The following WIZ variants were observed in gnomAD, a reference collection of about 807,000 sequenced individuals.
WIZ encodes WIZ zinc finger.
A neutral mutation model predicts 140.2 loss-of-function variants in WIZ; 25 were observed. That is an observed-to-expected ratio of 0.18 (90% CI 0.13 to 0.25). The LOEUF is 0.25. Among genes scored for constraint, WIZ ranks in the 10% least tolerant of loss-of-function variants. WIZ has a pLI of 1.00. For synonymous variants in WIZ, 1,125 were observed against 1,154.3 expected, an observed-to-expected ratio of 0.97 and a Z score of 0.51; for missense variants, 2,231 against 2,632.6, an observed-to-expected ratio of 0.85 and a Z score of 3.34.
rs1269967957 is a variant in WIZ at position 15,425,356 on chromosome 19, G to A, written c.4779C>T (p.Ala1593=). 3 of 1,558,072 alleles carry A rather than the reference G, an allele frequency of 1.9e-6. No homozygotes were observed. Among genetic ancestry groups the A allele is most frequent in the South Asian group, 1.2e-5 (1 of 85,202 alleles). The change falls in exon 10 of 13, where the codon GCC becomes GCT. Residue 1593 remains alanine, a synonymous_variant. Coordinates refer to ENST00000673675, the MANE Select transcript of WIZ (RefSeq NM_001371589.1). ...SATGYLGSVA[A]KRPLQEDRLL... ...GGCGGTCCTCCTGCAGGGGCCGCTTGGCTGCCACTGAGCCCAGGTAGCCAG... is the reference window on the plus strand; with the variant it reads ...GGCGGTCCTCCTGCAGGGGCCGCTTAGCTGCCACTGAGCCCAGGTAGCCAG...
At position 15,422,217 on chromosome 19, in the gene WIZ, A is replaced by G. The variant is rs1443488969; in HGVS notation, c.*859T>C. The G allele has an allele frequency of 6.6e-6, 1 of 152,286 alleles. No individual in the cohort carries two copies. The highest frequency in any genetic ancestry group is 6.5e-5 in the Admixed American group (1 of 15,288). 9.4% of individuals were successfully genotyped at this position (152,286 alleles called of 1,614,324 possible). ...TGGCTTCTAGCTGGCCCAGGATTGC[A>G]AAATAAAAAGATCCACGTTCCTTAT... On this transcript the variant is annotated 3_prime_UTR_variant, in exon 13 of 13. Transcript: ENST00000673675.
In WIZ at chr19:15,425,743, G is replaced by A. The variant is rs1968719006; in HGVS notation, c.4392C>T (p.Asp1464=). ...ACTCGCCGCAGAACTCACAGCGGAT[G>A]TCGCGCACCGGCTCTGCCCGGGACG... is the stretch of plus-strand genomic sequence containing the variant. The part of the protein sequence containing the change: ...NLSSRAEPVR[D]IRCEFCGEFF... The change falls in exon 10 of 13, where the codon GAC becomes GAT. Residue 1464 remains aspartate (D), a synonymous_variant. Transcript: ENST00000673675. 6.2e-7 allele frequency: 1 copy of A among 1,603,102 alleles called. No individual in the cohort carries two copies. The highest frequency in any genetic ancestry group is 1.3e-5 in the African/African-American group (1 of 74,472).
At chr19:15,430,337 C>T (rs1424692257) in intron 6 of WIZ, among the ~76,000 whole-genome samples, 7 of 152,220 alleles carry the variant, frequency 4.6e-5, no homozygotes, top group Non-Finnish European at 4.4e-5. Context: ...GGAGATAGAG[C>T]CCTTCTGTCA....
In WIZ at chr19:15,439,228, G is replaced by T. The variant is rs780876675; in HGVS notation, c.1766C>A (p.Pro589His). The change falls in exon 4 of 13, where the codon CCC becomes CAC. Residue 589 changes from proline to histidine, a missense_variant. By Grantham distance (77) the Pro-to-His change is moderately conservative. Transcript: ENST00000673675. The surrounding 1 kb of genome is among the most constrained non-coding windows in gnomAD (Gnocchi z 7.0). ...LAFPSTLAST[P>H]YSLQLGRNKS... Reference sequence around the variant, plus strand: ...GTTTCTCCCGAGCTGTAAGGAGTAGGGGGTGGATGCTAGTGTGGAGGGAAA... The same window carrying T: ...GTTTCTCCCGAGCTGTAAGGAGTAGTGGGTGGATGCTAGTGTGGAGGGAAA... 23 of 1,535,648 alleles carry T rather than the reference G, an allele frequency of 1.5e-5. No individual in the cohort carries two copies. Among genetic ancestry groups the T allele is most frequent in the Middle Eastern group, 3.3e-4 (2 of 6,004 alleles).
At position 15,428,055 on chromosome 19, in the gene WIZ, C is replaced by A; in HGVS notation, c.3814+55G>T. 6.6e-7 allele frequency: 1 copy of A among 1,511,316 alleles called. No homozygotes were observed. The highest frequency in any genetic ancestry group is 8.8e-7 in the Non-Finnish European group (1 of 1,137,174). 93.6% of individuals were successfully genotyped at this position (1,511,316 alleles called of 1,614,324 possible). ...AGGGAGGGGGCTGTGACCCCCCCCC[C>A]GGGAGGGGCTCCAGGGCCCGCAGTG... is the stretch of plus-strand genomic sequence containing the variant. On this transcript the variant is annotated intron_variant, in intron 8 of 12. Transcript: ENST00000673675. This position sits in a 1 kb window ranked among gnomAD's most constrained non-coding sequence, Gnocchi z 6.4.
In WIZ at chr19:15,428,240, T is replaced by G. The variant is rs2145256206; in HGVS notation, c.3684A>C (p.Pro1228=). Residue 1228 remains proline (P), a synonymous_variant, in exon 8 of 13, where the codon CCA becomes CCC. Coordinates refer to ENST00000673675, the MANE Select transcript of WIZ (RefSeq NM_001371589.1). The surrounding 1 kb of genome is among the most constrained non-coding windows in gnomAD (Gnocchi z 6.4). The part of the protein sequence containing the change: ...TSAALSLLPP[P]PPAKKAKLKA... ...TCAGCTTGGCCTTCTTGGCCGGCGGTGGGGGGGGAAGCAAGGAGAGGGCCG... is the reference window on the plus strand; with the variant it reads ...TCAGCTTGGCCTTCTTGGCCGGCGGGGGGGGGGGAAGCAAGGAGAGGGCCG... 1 of 1,525,936 alleles carries G rather than the reference T, an allele frequency of 6.6e-7. No individual in the cohort carries two copies. The highest frequency in any genetic ancestry group is 8.8e-7 in the Non-Finnish European group (1 of 1,142,836). The allele number at this position is 1,525,936 out of a possible 1,614,324, so 94.5% of individuals were successfully genotyped here. A position where few individuals can be genotyped will look rare whatever the true frequency, so the allele number is the denominator to read the frequency against.
intron 9 of WIZ, among the ~76,000 whole-genome samples, chr19:15,426,651 T>C (rs1968841918): frequency 6.6e-6 from 1 of 152,230 alleles, no homozygotes; most frequent in Admixed American, 6.5e-5. Flanking sequence ...ACGCTCCTGC[T>C]GTAGCAGACA....
At chr19:15,432,498 C>CGGT in intron 5 of WIZ, 1 of 894,208 alleles carries the variant, frequency 1.1e-6, no homozygotes, top group African/African-American at 2.0e-5. Context: ...CGTCCCGCGG[C>CGGT]GGCGGTGGCG....
At position 15,437,381 on chromosome 19, in the gene WIZ, G is replaced by A. The variant is rs116504939; in HGVS notation, c.2417-252C>T. Among the ~76,000 whole-genome samples, 1,387 of 152,334 alleles carry A rather than the reference G, an allele frequency of 9.1e-3. 24 individuals carry two copies. Among genetic ancestry groups the A allele is most frequent in the African/African-American group, 0.031 (1,309 of 41,574 alleles). On this transcript the variant is annotated intron_variant, in intron 4 of 12. Coordinates refer to ENST00000673675, the MANE Select transcript of WIZ (RefSeq NM_001371589.1). Reference sequence around the variant, plus strand: ...CCTCTTCTGCAAAAACCCTTCTCCAGGGCCAGGTGTGGTGGCTCACGCCTG... The same window carrying A: ...CCTCTTCTGCAAAAACCCTTCTCCAAGGCCAGGTGTGGTGGCTCACGCCTG...
At position 15,440,058 on chromosome 19, in the gene WIZ, C is replaced by T. The variant is rs117240920; in HGVS notation, c.936G>A (p.Pro312=). Residue 312 remains proline (P), a synonymous_variant, in exon 4 of 13, where the codon CCG becomes CCA. Transcript: ENST00000673675. This position sits in a 1 kb window ranked among gnomAD's most constrained non-coding sequence, Gnocchi z 6.2. Reference sequence around the variant, plus strand: ...TGCACTCGATGCATGGGAACACGGCCGGCTCCTCGTCCTCGTCCTCATCTG... The same window carrying T: ...TGCACTCGATGCATGGGAACACGGCTGGCTCCTCGTCCTCGTCCTCATCTG... The part of the protein sequence containing the change: ...ASPDEDEDEE[P]AVFPCIECSI... 19,846 of 1,535,878 alleles carry T rather than the reference C, an allele frequency of 0.013. 165 individuals carry two copies. The highest frequency in any genetic ancestry group is 0.019 in the Middle Eastern group (114 of 5,988).
At chr19:15,426,565 C>T (rs1471943739) in intron 9 of WIZ, among the ~76,000 whole-genome samples, 1 of 152,220 alleles carries the variant, frequency 6.6e-6, no homozygotes, top group Admixed American at 6.5e-5. Flanking sequence ...TTAACTCACA[C>T]TTGACTCCCA....
At position 15,442,873 on chromosome 19, in the gene WIZ, G is replaced by A; in HGVS notation, c.206-125C>T. 1 of 492,046 alleles carries A rather than the reference G, an allele frequency of 2.0e-6. No homozygotes were observed. Among genetic ancestry groups the A allele is most frequent in the Non-Finnish European group, 3.2e-6 (1 of 312,182 alleles). 30.5% of individuals were successfully genotyped at this position (492,046 alleles called of 1,614,324 possible). A position where few individuals can be genotyped will look rare whatever the true frequency, so the allele number is the denominator to read the frequency against. The stretch of plus-strand genomic sequence containing the variant: ...CTGCTGGCTCCCAGTTCCTCTCCCT[G>A]AGAGGCCCGTGGCCTCTGTGGTCCT... On this transcript the variant is annotated intron_variant, in intron 2 of 12. Coordinates refer to ENST00000673675, the MANE Select transcript of WIZ (RefSeq NM_001371589.1). The surrounding 1 kb of genome is among the most constrained non-coding windows in gnomAD (Gnocchi z 5.5).
chr19:15,431,041 C>T lies in WIZ; in HGVS notation c.2882G>A (p.Gly961Asp), dbSNP rs1191298424. 6.5e-7 allele frequency: 1 copy of T among 1,535,606 alleles called. No individual in the cohort carries two copies. Among genetic ancestry groups the T allele is most frequent in the Non-Finnish European group, 8.7e-7 (1 of 1,146,668 alleles). Residue 961 changes from glycine (G) to aspartate (D), a missense_variant, in exon 6 of 13, where the codon GGC becomes GAC. By Grantham distance (94) the Gly-to-Asp change is moderately conservative. This residue lies in a region of WIZ where 137 missense variants were observed against 135.8 expected (regional missense o/e 1.01). Coordinates refer to ENST00000673675, the MANE Select transcript of WIZ (RefSeq NM_001371589.1). ...GAGGTCCTGCAGCTCCTGTTTGCTG[C>T]CATGAGGAACCTCTGCAGCCACTTT... The part of the protein sequence containing the change: ...SSKVAAEVPH[G>D]SKQELQDLKA...
At chr19:15,436,445 G>A (rs548212505) in intron 5 of WIZ, 5 of 188,198 alleles carry the variant, frequency 2.7e-5, no homozygotes, top group Middle Eastern at 2.0e-3. Flanking sequence ...TCTGTAAAGT[G>A]GAAGAAATAA....
At chr19:15,430,990 C>A in intron 6 of WIZ, 22 bp downstream of exon 6, 1 of 1,502,434 alleles carries the variant, frequency 6.7e-7, no homozygotes, top group South Asian at 1.2e-5. Flanking sequence ...GCATCCCCTG[C>A]CATGCCACCT....
rs1265792037 is a variant in WIZ at position 15,425,772 on chromosome 19, C to T, written c.4367-4G>A. The T allele has an allele frequency of 1.3e-6, 2 of 1,500,930 alleles. No individual in the cohort carries two copies. The highest frequency in any genetic ancestry group is 2.0e-5 in the Admixed American group (1 of 50,854). 93.0% of individuals were successfully genotyped at this position (1,500,930 alleles called of 1,614,324 possible). On this transcript the variant is annotated splice_polypyrimidine_tract_variant and splice_region_variant and intron_variant, in intron 9 of 12. Transcript: ENST00000673675. ...CGCACCGGCTCTGCCCGGGACGCTG[C>T]AGGGGATCCAGGGTAGGGGGAAGGA...
chr19:15,424,342 G>A lies in WIZ; in HGVS notation c.5351C>T (p.Ser1784Phe). 1 of 1,602,974 alleles carries A rather than the reference G, an allele frequency of 6.2e-7. No individual in the cohort carries two copies. The change falls in exon 12 of 13, where the codon TCC (serine) becomes TTC (phenylalanine). Residue 1784 changes from serine (S) to phenylalanine (F), a missense_variant. Transcript: ENST00000673675. The surrounding 1 kb of genome is among the most constrained non-coding windows in gnomAD (Gnocchi z 9.7). ...GGTGTCCTCGCCTCCCCGGGCTGCGGAGGCATCTGGAGGGCGGGCTTGTCG... is the reference window on the plus strand; with the variant it reads ...GGTGTCCTCGCCTCCCCGGGCTGCGAAGGCATCTGGAGGGCGGGCTTGTCG... ...ERRQARPPDA[S>F]AARGGEDTND...
At chr19:15,433,362 C>G (rs944162464) in intron 5 of WIZ, 14 of 985,474 alleles carry the variant, frequency 1.4e-5, no homozygotes, top group Non-Finnish European at 1.6e-5. Flanking sequence ...CCGCCCCCAA[C>G]CTGGCACCCG....
chr19:15,442,973 A>G lies in WIZ; in HGVS notation c.206-225T>C, dbSNP rs966645643. On this transcript the variant is annotated intron_variant, in intron 2 of 12. Coordinates refer to ENST00000673675, the MANE Select transcript of WIZ (RefSeq NM_001371589.1). The surrounding 1 kb of genome is among the most constrained non-coding windows in gnomAD (Gnocchi z 5.5). Reference sequence around the variant, plus strand: ...GACCCCAGGGCCTTGCTGCCTTCCAACCCTCCTCTCTTTCCCCCAACCCAG... The same window carrying G: ...GACCCCAGGGCCTTGCTGCCTTCCAGCCCTCCTCTCTTTCCCCCAACCCAG... Among the ~76,000 whole-genome samples the G allele has an allele frequency of 1.3e-5, 2 of 150,938 alleles. No homozygotes were observed. The highest frequency in any genetic ancestry group is 3.0e-5 in the Non-Finnish European group (2 of 67,590).
Sources: allele counts gnomAD v4.1 joint callset (sites outside exome capture counted in the v4.1 genomes callset), GRCh38; gene constraint gnomAD v4.1.1; regional missense constraint gnomAD v4.1.1; non-coding constraint Gnocchi (gnomAD v3.1); transcripts MANE v1.5; gene names NCBI Gene and HGNC (gene_info 2026-07-23, HGNC 2026-07-21).